The following CSMD1 variants were observed in gnomAD, a reference collection of about 807,000 sequenced individuals.
The protein encoded by CSMD1 is CUB and Sushi multiple domains 1, also known as CUB and sushi domain-containing protein 1.
A neutral mutation model predicts 417.5 loss-of-function variants in CSMD1; 213 were observed. The ratio of observed to expected loss-of-function variants is 0.51; its 90% CI spans 0.46 to 0.57. The LOEUF (loss-of-function observed/expected upper bound fraction) is 0.57, where lower values mean the gene tolerates loss of function less well. Among genes scored for constraint, CSMD1 ranks in the 20% least tolerant of loss-of-function variants. CSMD1 has a pLI of 0.00. For synonymous variants in CSMD1, 2,862 were observed against 1,736.8 expected, an observed-to-expected ratio of 1.65 and a Z score of -16.11; for missense variants, 6,923 against 4,529.7, an observed-to-expected ratio of 1.53 and a Z score of -15.17.
At chr8:2,944,865 C>T (rs1392251975) in intron 68 of CSMD1, among the ~76,000 whole-genome samples, 1 of 151,836 alleles carries the variant, frequency 6.6e-6, no homozygotes, top group African/African-American at 2.4e-5. Context: ...AATCTGAAAA[C>T]AAAGCTACAT....
chr8:3,765,134 A>T (rs923024663), intron 5 of CSMD1, among the ~76,000 whole-genome samples: 5 of 152,280 alleles, frequency 3.3e-5, no homozygotes, highest in Admixed American at 2.6e-4. Context: ...ACCCTTTATA[A>T]TATGAATCGA....
intron 7 of CSMD1, among the ~76,000 whole-genome samples, chr8:3,686,881 T>C (rs1302100822): frequency 6.6e-6 from 1 of 152,194 alleles, no homozygotes. Flanking sequence ...ATCTTTCTTA[T>C]GTCGATTTCA....
chr8:3,856,023 C>T (rs531469480), intron 5 of CSMD1, among the ~76,000 whole-genome samples: 9 of 152,006 alleles, frequency 5.9e-5, no homozygotes, highest in Admixed American at 5.9e-4. Context: ...TCTAGACAAA[C>T]ATTACCAAAC....
At chr8:4,238,182 C>T (rs1197572749) in intron 3 of CSMD1, among the ~76,000 whole-genome samples, 1 of 152,034 alleles carries the variant, frequency 6.6e-6, no homozygotes, top group Non-Finnish European at 1.5e-5. Context: ...TCTTAGAATG[C>T]CAAGTACGTC....
At chr8:4,329,857 C>G (rs1257008704) in intron 3 of CSMD1, among the ~76,000 whole-genome samples, 1 of 151,308 alleles carries the variant, frequency 6.6e-6, no homozygotes, top group African/African-American at 2.4e-5. Flanking sequence ...CTTACACACA[C>G]ACACACACAC....
chr8:3,883,812 A>G (rs1468055287), intron 5 of CSMD1, among the ~76,000 whole-genome samples: 1 of 152,146 alleles, frequency 6.6e-6, no homozygotes, highest in Non-Finnish European at 1.5e-5. Flanking sequence ...TCCCATTAAC[A>G]ACTACTGATC....
At chr8:4,174,611 A>G (rs1485430648) in intron 3 of CSMD1, among the ~76,000 whole-genome samples, 1 of 149,462 alleles carries the variant, frequency 6.7e-6, no homozygotes, top group African/African-American at 2.5e-5. Context: ...CCTCTTTTAT[A>G]ATAATTAAAA....
At chr8:4,256,800 G>A (rs1803489064) in intron 3 of CSMD1, among the ~76,000 whole-genome samples, 2 of 152,284 alleles carry the variant, frequency 1.3e-5, no homozygotes, top group East Asian at 1.9e-4. Context: ...AAGCAGTCAG[G>A]GCCTGGCATA....
intron 1 of CSMD1, among the ~76,000 whole-genome samples, chr8:4,812,556 C>T (rs1022328945): frequency 1.3e-5 from 2 of 152,098 alleles, no homozygotes; most frequent in Non-Finnish European, 2.9e-5. Flanking sequence ...ACATATACCA[C>T]ATGAATTTAT....
intron 18 of CSMD1, chr8:3,373,809 C>G (rs1316477182): frequency 6.6e-6 from 1 of 152,058 alleles, no homozygotes; most frequent in Non-Finnish European, 1.5e-5. Context: ...ATTTATGTAA[C>G]CCAGCCAACA....
intron 5 of CSMD1, among the ~76,000 whole-genome samples, chr8:3,778,381 C>A (rs2720754): frequency 6.6e-6 from 1 of 152,050 alleles, no homozygotes; most frequent in Admixed American, 6.5e-5. Context: ...GTAAGAAGAC[C>A]GGGGGCAGAA....
In CSMD1 at chr8:3,394,015, TA is replaced by T. The variant is rs1563342236; in HGVS notation, c.2593+2178del. Among the ~76,000 whole-genome samples the T allele has an allele frequency of 8.6e-3, 377 of 43,948 alleles. 14 individuals carry two copies. Among genetic ancestry groups the T allele is most frequent in the African/African-American group, 0.014 (192 of 13,694 alleles). 28.8% of individuals were successfully genotyped at this position (43,948 alleles called of 152,430 possible). On this transcript the variant is annotated intron_variant, in intron 17 of 69. Transcript: ENST00000635120. ...ATAATAATAATAAAAAAATAAATTA[TA>T]TATATATATATATATATATATATAT... is the stretch of plus-strand genomic sequence containing the variant.
At chr8:4,351,995 G>C (rs1801124900) in intron 3 of CSMD1, among the ~76,000 whole-genome samples, 1 of 150,372 alleles carries the variant, frequency 6.7e-6, no homozygotes, top group South Asian at 2.1e-4. Context: ...TTGAAACACG[G>C]GTATGGAATT....
intron 35 of CSMD1, 41 bp downstream of exon 35, chr8:3,188,846 C>G: frequency 6.9e-7 from 1 of 1,453,312 alleles, no homozygotes; most frequent in Non-Finnish European, 9.2e-7. Context: ...CCATGGACCC[C>G]AGCTGAGCCC....
intron 3 of CSMD1, among the ~76,000 whole-genome samples, chr8:4,353,542 C>G (rs777912613): frequency 3.3e-5 from 5 of 151,910 alleles, no homozygotes; most frequent in African/African-American, 4.8e-5. Context: ...TCAGACCTTT[C>G]CTAGGAAATA....
intron 5 of CSMD1, among the ~76,000 whole-genome samples, chr8:3,815,341 G>T (rs116822084): frequency 1.3e-5 from 2 of 152,120 alleles, no homozygotes; most frequent in East Asian, 1.9e-4. Flanking sequence ...ATGCATTTTC[G>T]GAACACATCA....
chr8:4,116,914 G>C (rs527496088), intron 3 of CSMD1, among the ~76,000 whole-genome samples: 61 of 152,118 alleles, frequency 4.0e-4, no homozygotes, highest in African/African-American at 1.4e-3. Context: ...TGAGGTACTC[G>C]AAATGTGTAC....
rs141905495 is a variant in CSMD1, at chr8:3,603,891, C to G, written c.1097+12819G>C. 1.7e-3 allele frequency among the ~76,000 whole-genome samples: 259 copies of G among 152,250 alleles called. 1 individual carries two copies. Among genetic ancestry groups the G allele is most frequent in the African/African-American group, 5.9e-3 (244 of 41,558 alleles). ...TAAATGATCTAGCAAATGGCCAAGG[C>G]TTAATGCTTAATACAGTATATGATG... On this transcript the variant is annotated intron_variant, in intron 8 of 69. Transcript: ENST00000635120.
intron 11 of CSMD1, among the ~76,000 whole-genome samples, chr8:3,485,287 A>C (rs1329978759): frequency 6.6e-6 from 1 of 152,202 alleles, no homozygotes; most frequent in Non-Finnish European, 1.5e-5. Context: ...AGAAGCAATC[A>C]TAGAAGGTAA....
Sources: gnomAD v4.1 joint callset for allele counts (sites outside exome capture counted in the v4.1 genomes callset) on GRCh38, gnomAD v4.1.1 for gene constraint, MANE v1.5 for transcripts, NCBI Gene and HGNC (gene_info 2026-07-23, HGNC 2026-07-21) for gene names.